The following SFMBT2 variants were observed in gnomAD, a reference collection of about 807,000 sequenced individuals.
The protein encoded by SFMBT2 is scm-like with four MBT domains protein 2.
A neutral mutation model predicts 110.1 loss-of-function variants in SFMBT2; 38 were observed. That is an observed-to-expected ratio of 0.35 (90% CI 0.27 to 0.45). The LOEUF (loss-of-function observed/expected upper bound fraction) is 0.45. Ranked by LOEUF, SFMBT2 falls within the 20% of genes least tolerant of loss-of-function variation. SFMBT2 has a pLI of 1.00. For synonymous variants in SFMBT2, 425 were observed against 425.4 expected (o/e 1.00, Z 0.01); for missense variants, 1,011 against 1,094.9 (o/e 0.92, Z 1.08).
intron 11 of SFMBT2, chr10:7,206,989 G>A: frequency 2.2e-6 from 2 of 897,014 alleles, no homozygotes; most frequent in Non-Finnish European, 2.7e-6. Flanking sequence ...ACTTTGGGAG[G>A]CCAAGGCCAG....
Position 7,324,618 on chromosome 10 carries a change from G to A in SFMBT2, c.437-38664C>T, listed in dbSNP as rs1189930134. 3.9e-5 allele frequency among the ~76,000 whole-genome samples: 6 copies of A among 152,230 alleles called. No individual in the cohort carries two copies. In the East Asian group the frequency reaches 1.2e-3, roughly 29 times the overall value. On this transcript the variant is annotated intron_variant, in intron 4 of 20. Transcript: ENST00000397167. ...CCCAAGGGAATGGTTGTTCTTACCA[G>A]CTAGAAGAAACTTGTATTAGTTTGC... is the stretch of plus-strand genomic sequence containing the variant.
chr10:7,165,102 T>A (rs1490707127), intron 20 of SFMBT2, among the ~76,000 whole-genome samples: 1 of 152,078 alleles, frequency 6.6e-6, no homozygotes, highest in Non-Finnish European at 1.5e-5. Flanking sequence ...ACCAAGATGA[T>A]CTCAATCGTC....
intron 4 of SFMBT2, among the ~76,000 whole-genome samples, chr10:7,363,892 A>G (rs924596831): frequency 2.0e-5 from 3 of 152,078 alleles, no homozygotes; most frequent in Non-Finnish European, 4.4e-5. Flanking sequence ...AAGCCTCCCA[A>G]ACAGAAACAT....
At chr10:7,257,464 A>AT (rs1329901622) in intron 7 of SFMBT2, among the ~76,000 whole-genome samples, 1 of 152,204 alleles carries the variant, frequency 6.6e-6, no homozygotes, top group African/African-American at 2.4e-5. Flanking sequence ...TATAGTCATC[A>AT]TGAGTCAGCA....
intron 7 of SFMBT2, among the ~76,000 whole-genome samples, chr10:7,262,533 G>GGCA (rs1841240897): frequency 1.3e-5 from 2 of 152,198 alleles, no homozygotes; most frequent in South Asian, 4.1e-4. Flanking sequence ...CCCGGGAACT[G>GGCA]GCAAGAGCCA....
At chr10:7,167,134 G>C (rs983964490) in intron 20 of SFMBT2, among the ~76,000 whole-genome samples, 1 of 152,216 alleles carries the variant, frequency 6.6e-6, no homozygotes, top group African/African-American at 2.4e-5. Context: ...TTGAGATCTA[G>C]AGAAGTAGAG....
intron 11 of SFMBT2, among the ~76,000 whole-genome samples, chr10:7,217,961 T>C (rs141589945): frequency 6.6e-6 from 1 of 152,340 alleles, no homozygotes; most frequent in East Asian, 1.9e-4. Context: ...TGTAGTTTAT[T>C]CATTGCTCCC....
At chr10:7,226,349 C>T (rs1317214099) in intron 10 of SFMBT2, among the ~76,000 whole-genome samples, 1 of 152,286 alleles carries the variant, frequency 6.6e-6, no homozygotes, top group African/African-American at 2.4e-5. Flanking sequence ...CATCAACCTA[C>T]TGAATCCTCC....
At chr10:7,316,289 C>T (rs910198249) in intron 4 of SFMBT2, among the ~76,000 whole-genome samples, 5 of 152,116 alleles carry the variant, frequency 3.3e-5, no homozygotes, top group Admixed American at 6.5e-5. Flanking sequence ...CAGAGCCCAG[C>T]AGAAAAGATG....
chr10:7,221,289 G>A (rs376123455), intron 10 of SFMBT2, among the ~76,000 whole-genome samples: 65 of 152,044 alleles, frequency 4.3e-4, no homozygotes, highest in African/African-American at 1.1e-3. Context: ...GTAAAAGGTC[G>A]GGTGTGGTGG....
In SFMBT2 at chr10:7,228,699, CTTTCTTTCTTTCTTTCTTTCTTTCTT is replaced by C. The variant is rs1213625177; in HGVS notation, c.1121-788_1121-763del. 2.2e-3 allele frequency among the ~76,000 whole-genome samples: 285 copies of C among 132,338 alleles called. 2 individuals are homozygous for C. Among genetic ancestry groups the C allele is most frequent in the South Asian group, 0.011 (45 of 3,928 alleles). 86.8% of individuals were successfully genotyped at this position (132,338 alleles called of 152,430 possible). ...TCTTTCTTTCTTTCTTTCTTTCTTT[CTTTCTTTCTTTCTTTCTTTCTTTCTT>C]TCTTTCTTTCCTTTCTCTCTCTCTC... is the stretch of plus-strand genomic sequence containing the variant. On this transcript the variant is annotated intron_variant, in intron 9 of 20. Coordinates refer to ENST00000397167, the MANE Select transcript of SFMBT2 (RefSeq NM_001387889.1).
At chr10:7,255,981 GC>G (rs1371559179) in intron 7 of SFMBT2, among the ~76,000 whole-genome samples, 3 of 152,192 alleles carry the variant, frequency 2.0e-5, no homozygotes, top group East Asian at 3.8e-4. Flanking sequence ...CTGGTCCCAG[GC>G]ATTTTGGATA....
rs910443177 is a variant in SFMBT2, at chr10:7,176,075, T to C, written c.1899A>G (p.Leu633=). 25 of 1,614,192 alleles carry C rather than the reference T, an allele frequency of 1.5e-5. No homozygotes were observed. Among genetic ancestry groups the C allele is most frequent in the Non-Finnish European group, 2.1e-5 (25 of 1,180,026 alleles). ...GACTAAACAAATTTGGACAGCACTC[T>C]AGCTTGGCACAGACTCGGCGGCAGA... The part of the protein sequence containing the change: ...ANFCRRVCAK[L]ECCPNLFSPV... The change falls in exon 17 of 21, where the codon CTA becomes CTG. Residue 633 remains leucine, a synonymous_variant. Coordinates refer to ENST00000397167, the MANE Select transcript of SFMBT2 (RefSeq NM_001387889.1).
chr10:7,312,331 C>G (rs1326959550), intron 4 of SFMBT2, among the ~76,000 whole-genome samples: 5 of 152,172 alleles, frequency 3.3e-5, no homozygotes, highest in Admixed American at 6.5e-5. Context: ...GGCCACCACC[C>G]AACGCAGCCA....
At chr10:7,269,056 A>T (rs2131801419) in intron 7 of SFMBT2, among the ~76,000 whole-genome samples, 1 of 152,346 alleles carries the variant, frequency 6.6e-6, no homozygotes, top group African/African-American at 2.4e-5. Flanking sequence ...CAAGAAAAAA[A>T]AAGTCATTAT....
chr10:7,273,551 G>A (rs1203978366), intron 7 of SFMBT2, among the ~76,000 whole-genome samples: 1 of 152,166 alleles, frequency 6.6e-6, no homozygotes, highest in Non-Finnish European at 1.5e-5. Context: ...GTATACATGT[G>A]CCATGTTGGT....
chr10:7,190,507 T>C (rs1185922929), intron 15 of SFMBT2, among the ~76,000 whole-genome samples: 1 of 152,204 alleles, frequency 6.6e-6, no homozygotes, highest in Non-Finnish European at 1.5e-5. Context: ...ATATTGAATG[T>C]TTTTCCCTTG....
chr10:7,218,716 A>G (rs1338758606), intron 11 of SFMBT2, among the ~76,000 whole-genome samples: 4 of 152,226 alleles, frequency 2.6e-5, no homozygotes, highest in African/African-American at 9.6e-5. Flanking sequence ...AACAGGACAA[A>G]GAAGAAAATA....
intron 7 of SFMBT2, among the ~76,000 whole-genome samples, chr10:7,263,872 TTC>T (rs1218718880): frequency 2.0e-5 from 3 of 152,230 alleles, no homozygotes; most frequent in African/African-American, 7.2e-5. Context: ...AAAGAAAAGC[TTC>T]TCTCTCTTGG....
Sources: allele counts gnomAD v4.1 joint callset (sites outside exome capture counted in the v4.1 genomes callset), GRCh38; gene constraint gnomAD v4.1.1; transcripts MANE v1.5; gene names NCBI Gene and HGNC (gene_info 2026-07-23, HGNC 2026-07-21).